BMPR1B: variants seen among roughly 807,000 people sequenced by gnomAD.
BMPR1B encodes bone morphogenetic protein receptor type-1B.
In BMPR1B, 12 loss-of-function variants were observed where a neutral mutation model predicts 59.1. The observed-to-expected ratio is 0.20, with a 90% CI of 0.13 to 0.33. BMPR1B has a LOEUF of 0.33. Among genes scored for constraint, BMPR1B ranks in the 10% least tolerant of loss-of-function variants. BMPR1B has a pLI of 1.00. For synonymous variants in BMPR1B, 237 were observed against 207.3 expected (o/e 1.14, Z -1.23); for missense variants, 550 against 610.9 (o/e 0.90, Z 1.05).
At chr4:95,107,341 G>T (rs1579089073) in intron 4 of BMPR1B, among the ~76,000 whole-genome samples, 1 of 152,124 alleles carries the variant, frequency 6.6e-6, no homozygotes, top group East Asian at 1.9e-4. Flanking sequence ...ACTGATAACT[G>T]CAGTTTAGAG....
intron 3 of BMPR1B, among the ~76,000 whole-genome samples, chr4:95,048,866 G>C (rs944283822): frequency 8.6e-5 from 13 of 151,984 alleles, no homozygotes; most frequent in Admixed American, 1.3e-4. Flanking sequence ...AAGTAGTCAG[G>C]GGCCTAATAT....
chr4:94,802,766 A>G (rs902744969), intron 1 of BMPR1B, among the ~76,000 whole-genome samples: 5 of 151,420 alleles, frequency 3.3e-5, no homozygotes, highest in African/African-American at 7.3e-5. Context: ...CTTCCTAGGG[A>G]AAAAAAGTCA....
rs1293921465 is a variant in BMPR1B at position 95,115,792 on chromosome 4, G to A, written c.349+5G>A. ...TGCCTCCATTGAAAAACAGAGGTAA[G>A]TGAGGAAGGCTTCCAGCCTGGAAAA... On this transcript the variant is annotated splice_donor_5th_base_variant and intron_variant, in intron 6 of 12. Transcript: ENST00000515059. 20 of 1,603,706 alleles carry A rather than the reference G, an allele frequency of 1.2e-5. No individual in the cohort carries two copies. The highest frequency in any genetic ancestry group is 2.2e-5 in the South Asian group (2 of 90,896).
chr4:94,924,092 AT>A (rs1450230945), intron 2 of BMPR1B, among the ~76,000 whole-genome samples: 1 of 151,924 alleles, frequency 6.6e-6, no homozygotes, highest in Non-Finnish European at 1.5e-5. Context: ...TCCGAGGAGT[AT>A]TTTTTCCCTG....
chr4:95,009,050 C>G (rs1486482600), intron 3 of BMPR1B, among the ~76,000 whole-genome samples: 1 of 151,856 alleles, frequency 6.6e-6, no homozygotes, highest in Non-Finnish European at 1.5e-5. Flanking sequence ...ATGAGACTCT[C>G]TGTCTCTCTT....
chr4:94,924,119 G>A (rs995924466), intron 2 of BMPR1B, among the ~76,000 whole-genome samples: 1 of 152,064 alleles, frequency 6.6e-6, no homozygotes, highest in Admixed American at 6.6e-5. Flanking sequence ...TGACACATCT[G>A]TATTACCCGT....
At chr4:95,115,569 GA>G (rs1161367320) in intron 5 of BMPR1B, 115 bp from the exon 6 acceptor site, 1 of 872,876 alleles carries the variant, frequency 1.1e-6, no homozygotes, top group Non-Finnish European at 1.9e-6. Flanking sequence ...GTGTTTGAGT[GA>G]AATTGTTAGA....
At chr4:95,065,210 T>C (rs545993297) in intron 3 of BMPR1B, among the ~76,000 whole-genome samples, 7 of 152,296 alleles carry the variant, frequency 4.6e-5, no homozygotes, top group African/African-American at 1.7e-4. Context: ...TGGATAAATC[T>C]TGAAAACTAT....
chr4:94,878,734 C>CTTTTTT (rs542970645), intron 2 of BMPR1B, among the ~76,000 whole-genome samples: 1 of 127,322 alleles, frequency 7.9e-6, no homozygotes, highest in Non-Finnish European at 1.7e-5. Context: ...ACAGGTTCTG[C>CTTTTTT]TTTTTTTTTT....
intron 1 of BMPR1B, among the ~76,000 whole-genome samples, chr4:94,854,182 C>T (rs1197340611): frequency 1.4e-5 from 2 of 141,220 alleles, no homozygotes; most frequent in Admixed American, 6.9e-5. Flanking sequence ...CCTTTCGTAT[C>T]CTGAAATGAT....
intron 1 of BMPR1B, among the ~76,000 whole-genome samples, chr4:94,836,553 C>T (rs1206370813): frequency 6.8e-6 from 1 of 146,616 alleles, no homozygotes; most frequent in East Asian, 1.9e-4. Context: ...GCATAAATGT[C>T]TTCTTTTGAG....
intron 3 of BMPR1B, among the ~76,000 whole-genome samples, chr4:95,019,458 C>G (rs1186208869): frequency 6.6e-6 from 1 of 152,102 alleles, no homozygotes; most frequent in East Asian, 1.9e-4. Context: ...GTAAAGTTAC[C>G]TACTAGAGAA....
At chr4:95,072,211 C>T (rs1323006826) in intron 3 of BMPR1B, among the ~76,000 whole-genome samples, 1 of 152,158 alleles carries the variant, frequency 6.6e-6, no homozygotes, top group Non-Finnish European at 1.5e-5. Flanking sequence ...TTCAGGCTTT[C>T]AGCTGATTGG....
At chr4:95,083,035 C>T (rs1205907585) in intron 3 of BMPR1B, among the ~76,000 whole-genome samples, 5 of 20,372 alleles carry the variant, frequency 2.5e-4, no homozygotes, top group African/African-American at 7.2e-4. Flanking sequence ...AATACTCTGT[C>T]TCAAAAAAAA....
At position 94,984,012 on chromosome 4, in the gene BMPR1B, G is replaced by T. The variant is rs559165313; in HGVS notation, c.-112-12028G>T. 4.3e-4 allele frequency among the ~76,000 whole-genome samples: 66 copies of T among 152,306 alleles called. No individual in the cohort carries two copies. The South Asian group carries it at 0.013, about 31-fold the overall frequency. ...AACTGCTAATTAAAATTATAAAATGGATTTGTCAGGAATGTAAGTGAGTTG... is the reference window on the plus strand; with the variant it reads ...AACTGCTAATTAAAATTATAAAATGTATTTGTCAGGAATGTAAGTGAGTTG... On this transcript the variant is annotated intron_variant, in intron 2 of 12. Coordinates refer to ENST00000515059, the MANE Select transcript of BMPR1B (RefSeq NM_001203.3).
intron 2 of BMPR1B, among the ~76,000 whole-genome samples, chr4:94,888,464 A>C (rs1560533079): frequency 6.6e-6 from 1 of 152,090 alleles, no homozygotes. Flanking sequence ...GATTTTTCAT[A>C]ATAGCATGAA....
At position 94,864,699 on chromosome 4, in the gene BMPR1B, A is replaced by G. The variant is rs184433738; in HGVS notation, c.-182-11132A>G. On this transcript the variant is annotated intron_variant, in intron 1 of 12. Transcript: ENST00000515059. ...TGAAAAAGAGGCACAAGCTTAAGGT[A>G]AAAACTTTTAATACCCAATACAACG... 3.1e-3 allele frequency among the ~76,000 whole-genome samples: 467 copies of G among 152,304 alleles called. 9 individuals carry two copies. The highest frequency in any genetic ancestry group is 8.4e-4 in the Non-Finnish European group (57 of 68,026).
At chr4:95,081,955 G>C (rs1048618285) in intron 3 of BMPR1B, among the ~76,000 whole-genome samples, 1 of 151,566 alleles carries the variant, frequency 6.6e-6, no homozygotes, top group Non-Finnish European at 1.5e-5. Context: ...AAATATAATG[G>C]GTTTATTATT....
intron 3 of BMPR1B, chr4:95,091,497 CAGGTGCAGGATT>C: frequency 1.0e-6 from 1 of 985,342 alleles, no homozygotes; most frequent in Non-Finnish European, 1.2e-6. Context: ...TAACATATCA[CAGGTGCAGGATT>C]AGTGCTGCCT....
Sources: allele counts gnomAD v4.1 joint callset (sites outside exome capture counted in the v4.1 genomes callset), GRCh38; gene constraint gnomAD v4.1.1; transcripts MANE v1.5; gene names NCBI Gene and HGNC (gene_info 2026-07-23, HGNC 2026-07-21).